The following TMTC1 variants were observed in gnomAD, a reference collection of about 807,000 sequenced individuals.
The protein encoded by TMTC1 is protein O-mannosyl-transferase TMTC1.
TMTC1 carries 73 observed loss-of-function variants against 104.8 expected under a neutral mutation model. The ratio of observed to expected loss-of-function variants is 0.70; its 90% CI spans 0.58 to 0.85. TMTC1 has a LOEUF of 0.85. Ranked by LOEUF, TMTC1 falls within the 40% of genes least tolerant of loss-of-function variation. TMTC1 has a pLI of 0.00. For missense variants in TMTC1, 1,035 were observed against 1,096.1 expected (o/e 0.94, Z 0.79); for synonymous variants, 434 against 428.7 (o/e 1.01, Z -0.15).
chr12:29,723,141 GAA>G (rs1397194368), intron 5 of TMTC1, among the ~76,000 whole-genome samples: 1 of 151,930 alleles, frequency 6.6e-6, no homozygotes, highest in Non-Finnish European at 1.5e-5. Context: ...TGTAGAACAC[GAA>G]AAGACACTAA....
At chr12:29,540,205 T>C (rs150625894) in intron 10 of TMTC1, among the ~76,000 whole-genome samples, 105 of 152,318 alleles carry the variant, frequency 6.9e-4, no homozygotes, top group Non-Finnish European at 1.2e-3. Flanking sequence ...TCCAGGTCCA[T>C]CTAACAGTGA....
intron 5 of TMTC1, 49 bp downstream of exon 5, chr12:29,751,617 G>A: frequency 6.3e-7 from 1 of 1,599,848 alleles, no homozygotes; most frequent in South Asian, 1.1e-5. Flanking sequence ...TGCACTAGGT[G>A]ATGCTGGACA....
intron 5 of TMTC1, among the ~76,000 whole-genome samples, chr12:29,687,157 C>T (rs1041812383): frequency 3.3e-5 from 5 of 151,970 alleles, no homozygotes; most frequent in Non-Finnish European, 7.4e-5. Context: ...ATAATATATC[C>T]CATATTTCCA....
intron 5 of TMTC1, among the ~76,000 whole-genome samples, chr12:29,697,842 C>G (rs368178826): frequency 6.6e-6 from 1 of 152,184 alleles, no homozygotes; most frequent in Non-Finnish European, 1.5e-5. Flanking sequence ...GGACAATCCA[C>G]TTTGTTCAAA....
chr12:29,660,808 C>T, intron 5 of TMTC1: 1 of 1,408,544 alleles, frequency 7.1e-7, no homozygotes, highest in Non-Finnish European at 9.4e-7. Context: ...ACTTACATAA[C>T]TTAGGACCAA....
rs57146094 is a variant in TMTC1, at chr12:29,606,973, G to GCC, written c.1129-2676_1129-2675dup. The stretch of plus-strand genomic sequence containing the variant: ...AGTTGGGAGCACAGCCAACCTTCCT[G>GCC]CCCCCCCCCCTCACTCACGGACACC... On this transcript the variant is annotated intron_variant, in intron 6 of 17. Coordinates refer to ENST00000539277, the MANE Select transcript of TMTC1 (RefSeq NM_001193451.2). Among the ~76,000 whole-genome samples the GCC allele has an allele frequency of 1.7e-3, 248 of 149,028 alleles. 1 individual carries two copies. Among genetic ancestry groups the GCC allele is most frequent in the Admixed American group, 2.5e-3 (37 of 14,956 alleles).
Position 29,526,546 on chromosome 12 carries a change from C to T in TMTC1, c.1786-5826G>A, listed in dbSNP as rs201435393. On this transcript the variant is annotated intron_variant, in intron 11 of 17. Coordinates refer to ENST00000539277, the MANE Select transcript of TMTC1 (RefSeq NM_001193451.2). ...TGCTTGGGTTAGAAGTTTTATAACCCAGTCAGTCTCTTCATTAGAGTTTTG... is the reference window on the plus strand; with the variant it reads ...TGCTTGGGTTAGAAGTTTTATAACCTAGTCAGTCTCTTCATTAGAGTTTTG... Among the ~76,000 whole-genome samples the T allele has an allele frequency of 5.9e-5, 9 of 152,176 alleles. No individual in the cohort carries two copies. The East Asian group carries it at 1.2e-3, about 20-fold the overall frequency.
chr12:29,586,829 C>T (rs1234124113), intron 7 of TMTC1, among the ~76,000 whole-genome samples: 17 of 148,740 alleles, frequency 1.1e-4, no homozygotes, highest in Admixed American at 4.0e-4. Context: ...CTGCTGGATT[C>T]GGTTTGCCAG....
chr12:29,588,446 C>A (rs1946197331), intron 7 of TMTC1, among the ~76,000 whole-genome samples: 2 of 152,242 alleles, frequency 1.3e-5, no homozygotes, highest in African/African-American at 4.8e-5. Flanking sequence ...CTAGCCCCAG[C>A]TGCTCCCAAC....
chr12:29,695,332 C>G (rs1165484212), intron 5 of TMTC1, among the ~76,000 whole-genome samples: 1 of 151,850 alleles, frequency 6.6e-6, no homozygotes, highest in African/African-American at 2.4e-5. Flanking sequence ...TGTTTTGAGA[C>G]AGTCTCACTT....
At chr12:29,567,263 G>A (rs573543557) in intron 9 of TMTC1, among the ~76,000 whole-genome samples, 1 of 152,268 alleles carries the variant, frequency 6.6e-6, no homozygotes, top group Non-Finnish European at 1.5e-5. Context: ...GGGGAACCAT[G>A]CATAAGAGAG....
intron 6 of TMTC1, among the ~76,000 whole-genome samples, chr12:29,606,975 C>T (rs899496732): frequency 9.4e-5 from 5 of 53,244 alleles, no homozygotes; most frequent in African/African-American, 1.4e-4. Flanking sequence ...ACCTTCCTGC[C>T]CCCCCCCCTC....
chr12:29,636,451 A>G (rs772572654), intron 5 of TMTC1, among the ~76,000 whole-genome samples: 50 of 152,214 alleles, frequency 3.3e-4, no homozygotes, highest in Non-Finnish European at 6.6e-4. Flanking sequence ...CTAGATGTGC[A>G]ATACTGTATT....
chr12:29,577,580 T>C (rs1945859306), intron 8 of TMTC1, among the ~76,000 whole-genome samples: 1 of 152,112 alleles, frequency 6.6e-6, no homozygotes. Context: ...GACCATTTCA[T>C]TCCCTTTGTC....
intron 9 of TMTC1, among the ~76,000 whole-genome samples, chr12:29,563,399 T>A (rs1945428223): frequency 6.6e-6 from 1 of 152,186 alleles, no homozygotes; most frequent in East Asian, 1.9e-4. Context: ...TGATGGATTA[T>A]CTCAGAGAAG....
chr12:29,542,843 G>A (rs994923250), intron 10 of TMTC1, among the ~76,000 whole-genome samples: 1 of 152,100 alleles, frequency 6.6e-6, no homozygotes, highest in Non-Finnish European at 1.5e-5. Context: ...GGGCAGAGTA[G>A]AACTCTGGGG....
At chr12:29,721,944 G>T (rs1046765973) in intron 5 of TMTC1, among the ~76,000 whole-genome samples, 1 of 151,782 alleles carries the variant, frequency 6.6e-6, no homozygotes. Flanking sequence ...TGATAAAGGG[G>T]TTTTGTTTTT....
At chr12:29,711,578 C>G (rs1342395709) in intron 5 of TMTC1, among the ~76,000 whole-genome samples, 1 of 152,122 alleles carries the variant, frequency 6.6e-6, no homozygotes, top group East Asian at 1.9e-4. Context: ...ATTGTTATAA[C>G]AAAGTGAGGA....
intron 1 of TMTC1, among the ~76,000 whole-genome samples, chr12:29,774,509 G>A (rs558530338): frequency 6.6e-6 from 1 of 152,166 alleles, no homozygotes; most frequent in Admixed American, 6.5e-5. Flanking sequence ...TGTCTCCAGT[G>A]TTGGGTTCTC....
Sources: gnomAD v4.1 joint callset for allele counts (sites outside exome capture counted in the v4.1 genomes callset) on GRCh38, gnomAD v4.1.1 for gene constraint, MANE v1.5 for transcripts, NCBI Gene and HGNC (gene_info 2026-07-23, HGNC 2026-07-21) for gene names.